The following CALD1 variants were observed in gnomAD, a reference collection of about 807,000 sequenced individuals.
The protein encoded by CALD1 is caldesmon.
Under a neutral mutation model 99.9 loss-of-function variants are expected in CALD1, and 33 were observed. The observed-to-expected ratio is 0.33, with a 90% confidence interval of 0.25 to 0.44. The LOEUF (loss-of-function observed/expected upper bound fraction) is 0.44, where lower values mean the gene tolerates loss of function less well. CALD1 is among the 20% of genes least tolerant of loss of function. CALD1 has a pLI of 1.00. For synonymous variants in CALD1, 310 were observed against 325.0 expected (o/e 0.95, Z 0.50); for missense variants, 861 against 962.1 (o/e 0.89, Z 1.39).
intron 1 of CALD1, among the ~76,000 whole-genome samples, chr7:134,834,310 T>C (rs1272963982): frequency 6.6e-6 from 1 of 152,216 alleles, no homozygotes; most frequent in Non-Finnish European, 1.5e-5. Flanking sequence ...CTTGAGATAA[T>C]TATATGAAAA....
intron 1 of CALD1, among the ~76,000 whole-genome samples, chr7:134,749,046 G>A (rs192337696): frequency 1.3e-5 from 2 of 152,268 alleles, no homozygotes; most frequent in East Asian, 1.9e-4. Context: ...TCCCGACTTC[G>A]GGAGCTGTGA....
At chr7:134,944,718 T>A (rs1302326754) in intron 7 of CALD1, among the ~76,000 whole-genome samples, 9 of 152,176 alleles carry the variant, frequency 5.9e-5, no homozygotes, top group African/African-American at 1.2e-4. Context: ...TACGTTGACA[T>A]CTAGTTAAGA....
upstream of CALD1, among the ~76,000 whole-genome samples, chr7:134,741,270 A>C (rs1796589914): frequency 6.6e-6 from 1 of 152,188 alleles, no homozygotes; most frequent in Non-Finnish European, 1.5e-5. Context: ...CCTTCTTCAC[A>C]TGGCAGCAGT....
chr7:134,745,880 A>G (rs1161711500), intron 1 of CALD1, among the ~76,000 whole-genome samples: 2 of 152,116 alleles, frequency 1.3e-5, no homozygotes, highest in South Asian at 4.1e-4. Context: ...AGCATCCCAG[A>G]GTTTTGGAAG....
intron 2 of CALD1, among the ~76,000 whole-genome samples, chr7:134,858,950 G>A (rs1800440656): frequency 6.6e-6 from 1 of 152,142 alleles, no homozygotes; most frequent in African/African-American, 2.4e-5. Flanking sequence ...TCTTATATGG[G>A]GGCCACTAAA....
At chr7:134,921,350 CATA>C (rs758243203) in intron 3 of CALD1, among the ~76,000 whole-genome samples, 1 of 152,144 alleles carries the variant, frequency 6.6e-6, no homozygotes, top group Admixed American at 6.6e-5. Flanking sequence ...TTAATTTTTT[CATA>C]ATGTTTTAAA....
chr7:134,881,926 G>A (rs1226690357), intron 3 of CALD1, among the ~76,000 whole-genome samples: 1 of 152,194 alleles, frequency 6.6e-6, no homozygotes, highest in Non-Finnish European at 1.5e-5. Context: ...CAATCAGAAG[G>A]AAACTGTGCT....
At chr7:134,815,235 A>G (rs540106532) in intron 1 of CALD1, among the ~76,000 whole-genome samples, 1 of 152,298 alleles carries the variant, frequency 6.6e-6, no homozygotes, top group South Asian at 2.1e-4. Flanking sequence ...ATATGGTTGG[A>G]ATTTAGGCTG....
At chr7:134,841,775 T>G (rs536627654) in intron 1 of CALD1, among the ~76,000 whole-genome samples, 1 of 152,292 alleles carries the variant, frequency 6.6e-6, no homozygotes, top group African/African-American at 2.4e-5. Flanking sequence ...CTTTCAGCAT[T>G]GTGTACTCTA....
Position 134,933,238 on chromosome 7 carries a change from CAAGA to C in CALD1, c.474_477del (p.Glu158AspfsTer4). On this transcript the variant is annotated frameshift_variant, in exon 5 of 15. Transcript: ENST00000361675. LOFTEE classifies it high-confidence loss of function. ...GAAGGAAGAAAAAAGTGAAAGTCGC[CAAGA>C]AAGATACGAGATAGAGGAAACAGAA... 1 of 1,603,466 alleles carries C rather than the reference CAAGA, an allele frequency of 6.2e-7. No individual in the cohort carries two copies. The highest frequency in any genetic ancestry group is 8.5e-7 in the Non-Finnish European group (1 of 1,175,978).
intron 1 of CALD1, among the ~76,000 whole-genome samples, chr7:134,804,123 G>A (rs1300767816): frequency 6.6e-6 from 1 of 152,184 alleles, no homozygotes; most frequent in African/African-American, 2.4e-5. Flanking sequence ...CCTTTCTACT[G>A]TTGGAGATAA....
intron 1 of CALD1, among the ~76,000 whole-genome samples, chr7:134,814,482 G>T (rs991551129): frequency 1.3e-5 from 2 of 152,062 alleles, no homozygotes; most frequent in African/African-American, 4.8e-5. Flanking sequence ...GAGTGTAGTG[G>T]TGAGACTGGG....
rs769398416 is a variant in CALD1, at chr7:134,934,021, G to A, written c.1252G>A (p.Val418Ile). 3.1e-6 allele frequency: 5 copies of A among 1,613,234 alleles called. No homozygotes were observed. Among genetic ancestry groups the A allele is most frequent in the Admixed American group, 3.3e-5 (2 of 59,824 alleles). ...AGAACAGAAAATAGAAGGGAAATGG[G>A]TAAATGAAAAGAAAGCACAAGAAGA... is the stretch of plus-strand genomic sequence containing the variant. ...KVEQKIEGKWVNEKKAQEDKL... is the reference protein window; with the variant it reads ...KVEQKIEGKWINEKKAQEDKL... The change falls in exon 5 of 15, where the codon GTA becomes ATA. Residue 418 changes from valine to isoleucine, a missense_variant. Around this residue, in one of 5 missense-constraint regions of CALD1, gnomAD observed 293 missense variants for 262.7 expected, o/e 1.12. Coordinates refer to ENST00000361675, the MANE Select transcript of CALD1 (RefSeq NM_033138.4).
intron 11 of CALD1, among the ~76,000 whole-genome samples, chr7:134,958,897 ATATATATATATATT>A (rs1216677363): frequency 2.0e-5 from 2 of 102,130 alleles, no homozygotes; most frequent in Admixed American, 2.4e-4. Flanking sequence ...ATATATATAT[ATATATATATATATT>A]TAACTATATA....
At chr7:134,859,614 T>C (rs1800475127) in intron 2 of CALD1, among the ~76,000 whole-genome samples, 1 of 152,240 alleles carries the variant, frequency 6.6e-6, no homozygotes, top group Non-Finnish European at 1.5e-5. Flanking sequence ...CACTGATTTG[T>C]AGTGGTTAAG....
chr7:134,859,292 TA>T (rs1346764771), intron 2 of CALD1, among the ~76,000 whole-genome samples: 3 of 152,186 alleles, frequency 2.0e-5, no homozygotes, highest in African/African-American at 7.2e-5. Flanking sequence ...AAAGCATCTT[TA>T]CATATTTGTT....
intron 14 of CALD1, among the ~76,000 whole-genome samples, chr7:134,965,939 C>G (rs1808650703): frequency 6.6e-6 from 1 of 151,760 alleles, no homozygotes; most frequent in South Asian, 2.1e-4. Context: ...GTCTTCTGGT[C>G]AAAGGATATG....
At chr7:134,817,705 C>T (rs886629651) in intron 1 of CALD1, among the ~76,000 whole-genome samples, 11 of 151,998 alleles carry the variant, frequency 7.2e-5, no homozygotes, top group Admixed American at 2.6e-4. Context: ...AAAAGCTAAA[C>T]GAGAAAAAAA....
intron 9 of CALD1, 66 bp downstream of exon 9, chr7:134,950,580 G>A: frequency 1.5e-6 from 2 of 1,296,912 alleles, no homozygotes; most frequent in Non-Finnish European, 2.2e-6. Context: ...CCCTTGTTTA[G>A]TTATTGATTA....
Sources: gnomAD v4.1 joint callset for allele counts (sites outside exome capture counted in the v4.1 genomes callset) on GRCh38, gnomAD v4.1.1 for gene constraint, gnomAD v4.1.1 regional missense constraint, MANE v1.5 for transcripts, NCBI Gene and HGNC (gene_info 2026-07-23, HGNC 2026-07-21) for gene names.